Variants in EHHADH observed in about 807,000 individuals in gnomAD.
The protein encoded by EHHADH is peroxisomal bifunctional enzyme.
In EHHADH, 48 loss-of-function variants were observed where a neutral mutation model predicts 64.4. The ratio of observed to expected loss-of-function variants is 0.75; its 90% confidence interval spans 0.59 to 0.95. The LOEUF (loss-of-function observed/expected upper bound fraction) is 0.95. Ranked by LOEUF, EHHADH falls within the 40% of genes least tolerant of loss-of-function variation. The pLI is 0.00. For synonymous variants in EHHADH, 308 were observed against 326.7 expected, an observed-to-expected ratio of 0.94 and a Z score of 0.62; for missense variants, 854 against 876.6, an observed-to-expected ratio of 0.97 and a Z score of 0.33.
chr3:185,198,933 AT>A (rs1330660000), intron 6 of EHHADH, among the ~76,000 whole-genome samples: 6 of 143,700 alleles, frequency 4.2e-5, no homozygotes, highest in African/African-American at 1.2e-4. Flanking sequence ...TTAAACTGTT[AT>A]TAAAAAAAAA....
At position 185,251,604 on chromosome 3, in the gene EHHADH, TTA is replaced by T. The variant is rs201526316; in HGVS notation, c.74+2343_74+2344del. On this transcript the variant is annotated intron_variant, in intron 1 of 6. Transcript: ENST00000231887. ...AAACTATTTGTTTTGGGGAAAAAAT[TTA>T]TATGTGTGTGTGTGTGTGTGTGTGT... Among the ~76,000 whole-genome samples, 119 of 81,672 alleles carry T rather than the reference TTA, an allele frequency of 1.5e-3. 1 individual carries two copies. The highest frequency in any genetic ancestry group is 4.0e-3 in the African/African-American group (80 of 20,218). 53.6% of individuals were successfully genotyped at this position (81,672 alleles called of 152,430 possible).
intron 2 of EHHADH, among the ~76,000 whole-genome samples, chr3:185,242,977 C>G (rs756773665): frequency 6.6e-6 from 1 of 152,258 alleles, no homozygotes; most frequent in African/African-American, 2.4e-5. Context: ...CTCGAAGGAT[C>G]TCTGTGATGC....
Position 185,229,539 on chromosome 3 carries a change from T to C in EHHADH, c.356A>G (p.Gln119Arg). The C allele has an allele frequency of 1.3e-6, 2 of 1,559,930 alleles. No homozygotes were observed. Among genetic ancestry groups the C allele is most frequent in the Non-Finnish European group, 1.7e-6 (2 of 1,148,994 alleles). ...CHYRIAHAEA[Q>R]VGLPEVTLGL... ...CAGTGTAACTTCTGGTAAGCCAACT[T>C]GAGCCTATCAAAGATTGAAGGCATA... The change falls in exon 4 of 7, where the codon CAA becomes CGA. Residue 119 changes from glutamine to arginine, a missense_variant. By Grantham distance (43) the Gln-to-Arg change is conservative. Coordinates refer to ENST00000231887, the MANE Select transcript of EHHADH (RefSeq NM_001966.4).
chr3:185,202,174 C>T (rs1240187304), intron 6 of EHHADH, among the ~76,000 whole-genome samples: 1 of 152,090 alleles, frequency 6.6e-6, no homozygotes, highest in Non-Finnish European at 1.5e-5. Flanking sequence ...CCTGTCTCTA[C>T]TAAAAATACA....
intron 4 of EHHADH, among the ~76,000 whole-genome samples, chr3:185,219,722 C>T (rs1718785366): frequency 6.6e-6 from 1 of 152,220 alleles, no homozygotes; most frequent in Non-Finnish European, 1.5e-5. Flanking sequence ...AAGCAACCAT[C>T]AAATCCATCT....
intron 3 of EHHADH, among the ~76,000 whole-genome samples, chr3:185,232,579 G>A (rs939721360): frequency 2.0e-5 from 3 of 152,136 alleles, no homozygotes; most frequent in African/African-American, 7.2e-5. Flanking sequence ...CTCCCAAGTA[G>A]CTGGGATTAC....
chr3:185,193,577 T>C, intron 6 of EHHADH, 90 bp from the exon 7 acceptor site: 1 of 1,439,826 alleles, frequency 6.9e-7, no homozygotes. Context: ...TATGTGACAA[T>C]GTGGCATTTA....
chr3:185,243,380 C>T (rs895648121), intron 2 of EHHADH, among the ~76,000 whole-genome samples: 13 of 152,106 alleles, frequency 8.5e-5, no homozygotes, highest in Admixed American at 3.3e-4. Flanking sequence ...GTCTGTGTCC[C>T]GTCCACCATG....
At chr3:185,214,755 A>G (rs1577361928) in intron 5 of EHHADH, among the ~76,000 whole-genome samples, 1 of 152,224 alleles carries the variant, frequency 6.6e-6, no homozygotes, top group Non-Finnish European at 1.5e-5. Context: ...TGGAAGTTGT[A>G]ATAGCTGAAT....
chr3:185,211,136 T>C (rs183489216), intron 5 of EHHADH, among the ~76,000 whole-genome samples: 203 of 152,366 alleles, frequency 1.3e-3, no homozygotes, highest in African/African-American at 4.5e-3. Flanking sequence ...AGTTATAAGA[T>C]ATTCAGAATT....
At chr3:185,232,034 T>C (rs1299563003) in intron 3 of EHHADH, among the ~76,000 whole-genome samples, 1 of 152,176 alleles carries the variant, frequency 6.6e-6, no homozygotes, top group Non-Finnish European at 1.5e-5. Flanking sequence ...GAGTCCTTTA[T>C]TTTATTGCCT....
intron 6 of EHHADH, among the ~76,000 whole-genome samples, chr3:185,193,868 A>G (rs1717984735): frequency 6.6e-6 from 1 of 152,252 alleles, no homozygotes; most frequent in Non-Finnish European, 1.5e-5. Flanking sequence ...GAAATTTAAC[A>G]AAGAATAGGA....
chr3:185,204,326 G>A (rs900235331), intron 6 of EHHADH, 90 bp downstream of exon 6: 30 of 1,198,306 alleles, frequency 2.5e-5, no homozygotes, highest in South Asian at 7.6e-5. Flanking sequence ...TGTGTCTTAC[G>A]TGAAACCTAG....
chr3:185,242,269 C>T (rs936380690), intron 2 of EHHADH, among the ~76,000 whole-genome samples: 3 of 152,008 alleles, frequency 2.0e-5, no homozygotes, highest in Non-Finnish European at 4.4e-5. Flanking sequence ...TTCAATGCAA[C>T]CCCCATCAAA....
At position 185,191,170 on chromosome 3, in the gene EHHADH, C is replaced by T. The variant is rs1256412750; in HGVS notation, c.*1056G>A. 1 of 152,256 alleles carries T rather than the reference C, an allele frequency of 6.6e-6. No individual in the cohort carries two copies. The highest frequency in any genetic ancestry group is 1.5e-5 in the Non-Finnish European group (1 of 68,116). 9.4% of individuals were successfully genotyped at this position (152,256 alleles called of 1,614,324 possible). The stretch of plus-strand genomic sequence containing the variant: ...ACAGGGTTTTGCTATGTTGCCCAGG[C>T]TGGTCTCAAATTTCTGGCCTCAAAC... On this transcript the variant is annotated 3_prime_UTR_variant, in exon 7 of 7. Transcript: ENST00000231887.
chr3:185,219,429 T>C (rs979682935), intron 4 of EHHADH, among the ~76,000 whole-genome samples: 40 of 152,156 alleles, frequency 2.6e-4, no homozygotes, highest in African/African-American at 9.7e-4. Flanking sequence ...GGTGCCAATA[T>C]CTAGTGTCTG....
chr3:185,220,908 T>C lies in EHHADH; in HGVS notation c.464-2668A>G, dbSNP rs1196024925. Among the ~76,000 whole-genome samples, 6 of 152,330 alleles carry C rather than the reference T, an allele frequency of 3.9e-5. No individual in the cohort carries two copies. The East Asian group carries it at 1.2e-3, about 29-fold the overall frequency. Reference sequence around the variant, plus strand: ...ATGTCATATTCAAGTTTTCCTAAAATTGTGCAGACTACTTAAAAAGACAGG... The same window carrying C: ...ATGTCATATTCAAGTTTTCCTAAAACTGTGCAGACTACTTAAAAAGACAGG... On this transcript the variant is annotated intron_variant, in intron 4 of 6. Transcript: ENST00000231887.
At chr3:185,210,605 AGCCTG>A (rs1364794185) in intron 5 of EHHADH, among the ~76,000 whole-genome samples, 3 of 151,088 alleles carry the variant, frequency 2.0e-5, no homozygotes, top group Middle Eastern at 3.4e-3. Context: ...ACTGCACTCC[AGCCTG>A]GGCGACAGAG....
At chr3:185,212,455 A>G (rs1718566200) in intron 5 of EHHADH, among the ~76,000 whole-genome samples, 1 of 152,200 alleles carries the variant, frequency 6.6e-6, no homozygotes, top group South Asian at 2.1e-4. Context: ...CCCACTCGTA[A>G]TTGGTTCCAA....
Sources: allele counts gnomAD v4.1 joint callset (sites outside exome capture counted in the v4.1 genomes callset), GRCh38; gene constraint gnomAD v4.1.1; transcripts MANE v1.5; gene names NCBI Gene and HGNC (gene_info 2026-07-23, HGNC 2026-07-21).